Variants in STX8 observed in about 807,000 individuals in gnomAD.
STX8 encodes syntaxin 8.
In STX8, 23 loss-of-function variants were observed where a neutral mutation model predicts 37.5. The observed-to-expected ratio is 0.61, with a 90% CI of 0.44 to 0.87. The LOEUF (loss-of-function observed/expected upper bound fraction) is 0.87, where lower values mean the gene tolerates loss of function less well. Among genes scored for constraint, STX8 ranks in the 40% least tolerant of loss-of-function variants. The pLI, the probability that STX8 is intolerant of heterozygous loss-of-function variation, is 0.00. For missense variants in STX8, 313 were observed against 284.7 expected (o/e 1.10, Z -0.71); for synonymous variants, 115 against 99.1 (o/e 1.16, Z -0.95).
At chr17:9,260,938 G>A (rs978701154) in intron 7 of STX8, among the ~76,000 whole-genome samples, 3 of 152,252 alleles carry the variant, frequency 2.0e-5, no homozygotes, top group African/African-American at 7.2e-5. Flanking sequence ...TCGGAAAAGA[G>A]AACGGTGTGA....
At position 9,362,601 on chromosome 17, in the gene STX8, G is replaced by A. The variant is rs373997981; in HGVS notation, c.643+15951C>T. Among the ~76,000 whole-genome samples the A allele has an allele frequency of 2.6e-5, 4 of 152,000 alleles. No individual in the cohort carries two copies. In the East Asian group the frequency reaches 5.8e-4, roughly 22 times the overall value. On this transcript the variant is annotated intron_variant, in intron 7 of 7. Coordinates refer to ENST00000306357, the MANE Select transcript of STX8 (RefSeq NM_004853.3). The stretch of plus-strand genomic sequence containing the variant: ...TGGGAGGCCGAGGTGGGCGTATCAC[G>A]AGGACAGGAGTCTAAGACCAGACTG...
intron 4 of STX8, among the ~76,000 whole-genome samples, chr17:9,520,226 G>T (rs890118660): frequency 6.6e-6 from 1 of 152,164 alleles, no homozygotes; most frequent in Non-Finnish European, 1.5e-5. Context: ...ATCTTGAAAT[G>T]TTTTTTAAAA....
chr17:9,522,655 T>C (rs1597722759), intron 4 of STX8, among the ~76,000 whole-genome samples: 1 of 150,042 alleles, frequency 6.7e-6, no homozygotes, highest in African/African-American at 2.5e-5. Flanking sequence ...GAGCTTGCAG[T>C]GAGCCGAGAT....
chr17:9,538,846 A>T (rs1906162735), intron 4 of STX8, among the ~76,000 whole-genome samples: 1 of 152,102 alleles, frequency 6.6e-6, no homozygotes, highest in Non-Finnish European at 1.5e-5. Context: ...AGAGCAGTGG[A>T]GTATGCAATG....
Position 9,404,274 on chromosome 17 carries a change from G to A in STX8, c.542-25621C>T, listed in dbSNP as rs76747575. ...GTGGAGGAAGTGAAGAAGGTAGAAG[G>A]GGAGGCAGGAAAGGGAGGCACACTT... On this transcript the variant is annotated intron_variant, in intron 6 of 7. Coordinates refer to ENST00000306357, the MANE Select transcript of STX8 (RefSeq NM_004853.3). 1.4e-4 allele frequency among the ~76,000 whole-genome samples: 22 copies of A among 152,078 alleles called. 1 individual carries two copies. In the East Asian group the frequency reaches 4.1e-3, roughly 28 times the overall value.
chr17:9,462,025 G>A (rs1165646084), intron 6 of STX8, among the ~76,000 whole-genome samples: 2 of 152,058 alleles, frequency 1.3e-5, no homozygotes, highest in Non-Finnish European at 2.9e-5. Flanking sequence ...CAATGGGGAG[G>A]GGCTATAAAT....
At chr17:9,402,785 G>A in intron 6 of STX8, among the ~76,000 whole-genome samples, 1 of 152,188 alleles carries the variant, frequency 6.6e-6, no homozygotes, top group African/African-American at 2.4e-5. Context: ...TTTCGCAGCA[G>A]AGGGCGATAG....
intron 7 of STX8, among the ~76,000 whole-genome samples, chr17:9,350,785 G>A (rs1910682057): frequency 6.6e-6 from 1 of 152,122 alleles, no homozygotes; most frequent in African/African-American, 2.4e-5. Flanking sequence ...CACCCGCCTT[G>A]GCCTCCCAAA....
chr17:9,566,744 A>C (rs942669011), intron 2 of STX8, among the ~76,000 whole-genome samples: 19 of 151,892 alleles, frequency 1.3e-4, no homozygotes, highest in African/African-American at 4.6e-4. Flanking sequence ...CCGAGATTGC[A>C]CCACTGCACT....
At chr17:9,549,050 G>A (rs6503228) in intron 3 of STX8, among the ~76,000 whole-genome samples, 142,628 of 152,190 alleles carry the variant, frequency 0.94, 67,560 homozygotes, top group East Asian at 1. Context: ...GGAATTTTAT[G>A]TTTACATATG....
intron 7 of STX8, among the ~76,000 whole-genome samples, chr17:9,358,361 A>C (rs1009044739): frequency 6.7e-6 from 1 of 149,364 alleles, no homozygotes; most frequent in African/African-American, 2.5e-5. Context: ...CTCTAAACAG[A>C]AGGGAAAAAA....
At chr17:9,326,720 A>G (rs1909765964) in intron 7 of STX8, among the ~76,000 whole-genome samples, 1 of 152,194 alleles carries the variant, frequency 6.6e-6, no homozygotes, top group South Asian at 2.1e-4. Context: ...GACATGGGAG[A>G]CTGCATGGGT....
intron 5 of STX8, among the ~76,000 whole-genome samples, chr17:9,496,864 C>T (rs562552861): frequency 6.6e-5 from 10 of 152,126 alleles, no homozygotes; most frequent in East Asian, 3.8e-4. Context: ...AGTAAGGGAA[C>T]GAATTCTCCA....
At chr17:9,436,668 A>G (rs1904443936) in intron 6 of STX8, among the ~76,000 whole-genome samples, 1 of 152,234 alleles carries the variant, frequency 6.6e-6, no homozygotes, top group Non-Finnish European at 1.5e-5. Flanking sequence ...CATCTGAAAG[A>G]GCTGGCTGAA....
At chr17:9,265,432 G>A (rs1357136882) in intron 7 of STX8, among the ~76,000 whole-genome samples, 1 of 152,236 alleles carries the variant, frequency 6.6e-6, no homozygotes, top group Non-Finnish European at 1.5e-5. Context: ...CCCACTGGGG[G>A]CCTGGCTCAG....
chr17:9,566,343 T>C (rs879795446), intron 2 of STX8, among the ~76,000 whole-genome samples: 6 of 152,230 alleles, frequency 3.9e-5, no homozygotes, highest in Non-Finnish European at 8.8e-5. Flanking sequence ...GGAACACTTA[T>C]ACACTGTTAG....
At chr17:9,535,450 T>TTTTTG (rs1906000350) in intron 4 of STX8, among the ~76,000 whole-genome samples, 1 of 133,304 alleles carries the variant, frequency 7.5e-6, no homozygotes, top group African/African-American at 3.0e-5. Flanking sequence ...TTTTTTTTTT[T>TTTTTG]GAGACGGAGT....
At chr17:9,345,694 T>C (rs891501683) in intron 7 of STX8, among the ~76,000 whole-genome samples, 1 of 3,908 alleles carries the variant, frequency 2.6e-4, no homozygotes, top group African/African-American at 2.6e-4. Context: ...CTCACATACT[T>C]TTTTTTTTTT....
At chr17:9,557,886 T>C (rs1262310366) in intron 2 of STX8, among the ~76,000 whole-genome samples, 1 of 152,170 alleles carries the variant, frequency 6.6e-6, no homozygotes, top group Non-Finnish European at 1.5e-5. Context: ...CGCAGGAAAT[T>C]GTGTTCCCCG....
Sources: allele counts gnomAD v4.1 joint callset (sites outside exome capture counted in the v4.1 genomes callset), GRCh38; gene constraint gnomAD v4.1.1; transcripts MANE v1.5; gene names NCBI Gene and HGNC (gene_info 2026-07-23, HGNC 2026-07-21).